Variants in ADAR observed in about 807,000 individuals in gnomAD.
ADAR encodes adenosine deaminase RNA specific.
In ADAR, 41 loss-of-function variants were observed where a neutral mutation model predicts 113.2. The observed-to-expected ratio is 0.36, with a 90% CI of 0.28 to 0.47. The LOEUF is 0.47. Among genes scored for constraint, ADAR ranks in the 20% least tolerant of loss-of-function variants. The pLI, the probability that ADAR is intolerant of heterozygous loss-of-function variation, is 1.00. For missense variants in ADAR, 1,242 were observed against 1,540.9 expected (o/e 0.81, Z 3.25); for synonymous variants, 605 against 572.6 (o/e 1.06, Z -0.81).
At position 154,601,920 on chromosome 1, in the gene ADAR, A is replaced by T. The variant is rs1472127685; in HGVS notation, c.722T>A (p.Leu241His). The T allele has an allele frequency of 3.7e-6, 6 of 1,606,884 alleles. No homozygotes were observed. Among genetic ancestry groups the T allele is most frequent in the African/African-American group, 1.4e-5 (1 of 72,128 alleles). Residue 241 changes from leucine to histidine, a missense_variant, in exon 2 of 15, where the codon CTT becomes CAT. By Grantham distance (99) the Leu-to-His change is moderately conservative (BLOSUM62 -3). This residue lies in a region of ADAR where 462 missense variants were observed against 483.1 expected (regional missense o/e 0.96). Coordinates refer to ENST00000368474, the MANE Select transcript of ADAR (RefSeq NM_001111.5). This position sits in a 1 kb window ranked among gnomAD's most constrained non-coding sequence, Gnocchi z 4.7. Reference protein sequence around the residue: ...DRNSTSVSEDLLEPFIAVSAQ... With the variant: ...DRNSTSVSEDHLEPFIAVSAQ... ...TGAGACTGCAATAAAAGGCTCAAGA[A>T]GATCTTCTGAGACAGATGTGGAGTT...
At position 154,584,552 on chromosome 1, in the gene ADAR, A is replaced by G. The variant is rs1696618259; in HGVS notation, c.*254T>C. 3 of 499,364 alleles carry G rather than the reference A, an allele frequency of 6.0e-6. No individual in the cohort carries two copies. The highest frequency in any genetic ancestry group is 1.1e-5 in the Non-Finnish European group (3 of 280,066). 30.9% of individuals were successfully genotyped at this position (499,364 alleles called of 1,614,324 possible). A position where few individuals can be genotyped will look rare whatever the true frequency, so the allele number is the denominator to read the frequency against. Reference sequence around the variant, plus strand: ...CAGTGACTATGTATGCTTTGGGTAGAAAGAAAAGATAACTTCTTAGGTTTC... The same window carrying G: ...CAGTGACTATGTATGCTTTGGGTAGGAAGAAAAGATAACTTCTTAGGTTTC... On this transcript the variant is annotated 3_prime_UTR_variant, in exon 15 of 15. Transcript: ENST00000368474.
chr1:154,622,902 T>TCA (rs34511105), intron 1 of ADAR, among the ~76,000 whole-genome samples: 105,417 of 151,942 alleles, frequency 0.69, 36,591 homozygotes, highest in South Asian at 0.75. Flanking sequence ...TTTGCTTTGA[T>TCA]CAAAGAAAAT....
chr1:154,582,859 G>T lies in ADAR; in HGVS notation c.*1947C>A, dbSNP rs1407715275. Reference sequence around the variant, plus strand: ...ATTTACTGTGCCCCCAGCAGACCCAGAGCCAGGGAGCAGGCCTCTTCCACT... The same window carrying T: ...ATTTACTGTGCCCCCAGCAGACCCATAGCCAGGGAGCAGGCCTCTTCCACT... On this transcript the variant is annotated 3_prime_UTR_variant, in exon 15 of 15. Coordinates refer to ENST00000368474, the MANE Select transcript of ADAR (RefSeq NM_001111.5). 1 of 152,300 alleles carries T rather than the reference G, an allele frequency of 6.6e-6. No homozygotes were observed. Among genetic ancestry groups the T allele is most frequent in the African/African-American group, 2.4e-5 (1 of 41,450 alleles). The allele number at this position is 152,300 out of a possible 1,614,324, so 9.4% of individuals were successfully genotyped here.
chr1:154,588,218 A>C lies in ADAR; in HGVS notation c.2926T>G (p.Cys976Gly). The C allele has an allele frequency of 1.2e-6, 2 of 1,614,046 alleles. No homozygotes were observed. The highest frequency in any genetic ancestry group is 1.7e-6 in the Non-Finnish European group (2 of 1,180,016). Residue 976 changes from cysteine (C) to glycine (G), a missense_variant, in exon 11 of 15, where the codon TGC becomes GGC. Physicochemically the swap from Cys to Gly is radical, Grantham distance 159. Around this residue, in one of 2 missense-constraint regions of ADAR, gnomAD observed 780 missense variants for 1,057.9 expected, o/e 0.74. Coordinates refer to ENST00000368474, the MANE Select transcript of ADAR (RefSeq NM_001111.5). ...GTGCTTTCCATAGCACGGTCGCTGC[A>C]GGACTTGTCAAAGAGGGCGCCATCT... ...CGDGALFDKS[C>G]SDRAMESTES...
At chr1:154,604,342 T>G (rs922956359) in intron 1 of ADAR, among the ~76,000 whole-genome samples, 2 of 152,204 alleles carry the variant, frequency 1.3e-5, no homozygotes, top group Non-Finnish European at 2.9e-5. Flanking sequence ...AAGCTGCCAG[T>G]AAGCCACCCT....
chr1:154,589,264 C>T, intron 9 of ADAR, 105 bp downstream of exon 9: 6 of 885,834 alleles, frequency 6.8e-6, no homozygotes, highest in Non-Finnish European at 1.1e-5. Context: ...ACATCATGAC[C>T]CGTCTGTCTG....
chr1:154,595,559 A>G (rs1459254265), intron 6 of ADAR, among the ~76,000 whole-genome samples: 1 of 152,222 alleles, frequency 6.6e-6, no homozygotes, highest in Non-Finnish European at 1.5e-5. Context: ...AAGGATATAA[A>G]CAAAGGAAAT....
At chr1:154,586,694 C>T (rs1571052955) in intron 11 of ADAR, among the ~76,000 whole-genome samples, 2 of 152,250 alleles carry the variant, frequency 1.3e-5, no homozygotes, top group East Asian at 3.9e-4. Flanking sequence ...GACGGAGGAC[C>T]ACAGGGGACA....
At chr1:154,620,226 A>G (rs1286183235) in intron 1 of ADAR, among the ~76,000 whole-genome samples, 1 of 152,160 alleles carries the variant, frequency 6.6e-6, no homozygotes, top group East Asian at 1.9e-4. Flanking sequence ...GGCCAAGGTG[A>G]TGAAACTCCG....
At position 154,582,083 on chromosome 1, in the gene ADAR, T is replaced by A. The variant is rs1025521616; in HGVS notation, c.*2723A>T. ...TTCTAAGAATTCAGATTCTTGTTTT[T>A]TTTTTATTTATGAGGAATGTATATT... On this transcript the variant is annotated 3_prime_UTR_variant, in exon 15 of 15. Coordinates refer to ENST00000368474, the MANE Select transcript of ADAR (RefSeq NM_001111.5). 1 of 152,572 alleles carries A rather than the reference T, an allele frequency of 6.6e-6. No individual in the cohort carries two copies. Among genetic ancestry groups the A allele is most frequent in the Non-Finnish European group, 1.5e-5 (1 of 68,022 alleles). 9.5% of individuals were successfully genotyped at this position (152,572 alleles called of 1,614,324 possible).
chr1:154,594,973 G>A (rs77697368), intron 6 of ADAR, among the ~76,000 whole-genome samples: 6,717 of 152,324 alleles, frequency 0.044, 200 homozygotes, highest in Non-Finnish European at 0.065. Flanking sequence ...GCATAACAGT[G>A]TTTTGTTCAA....
At chr1:154,626,467 CAG>C (rs1205047798) in intron 1 of ADAR, among the ~76,000 whole-genome samples, 1 of 152,122 alleles carries the variant, frequency 6.6e-6, no homozygotes, top group Admixed American at 6.6e-5. Flanking sequence ...AAGTGTACAG[CAG>C]AGAGATTATG....
chr1:154,588,393 G>A (rs1228661723), intron 10 of ADAR, 135 bp from the exon 11 acceptor site: 1 of 1,480,896 alleles, frequency 6.8e-7, no homozygotes, highest in East Asian at 2.3e-5. Flanking sequence ...GTGGACAGCA[G>A]TACATGTGAG....
chr1:154,591,605 C>T (rs1027140803), intron 6 of ADAR, among the ~76,000 whole-genome samples: 8 of 152,230 alleles, frequency 5.3e-5, no homozygotes, highest in African/African-American at 7.2e-5. Flanking sequence ...TGGAGCAAAA[C>T]AGCTTGGAAA....
chr1:154,589,665 C>G, intron 8 of ADAR, 92 bp downstream of exon 8: 1 of 1,510,324 alleles, frequency 6.6e-7, no homozygotes, highest in Non-Finnish European at 9.2e-7. Context: ...CTTCTCCCTG[C>G]CTTGGACTTA....
rs777616553 is a variant in ADAR, at chr1:154,598,491, T to C, written c.1696A>G (p.Met566Val). The change falls in exon 3 of 15, where the codon ATG (methionine) becomes GTG (valine). Residue 566 changes from methionine to valine, a missense_variant. By Grantham distance (21) the Met-to-Val change is conservative (BLOSUM62 1). Coordinates refer to ENST00000368474, the MANE Select transcript of ADAR (RefSeq NM_001111.5). ...VAKQDAAMKA[M>V]TILLEEAKAK... ...TTGGCTTCCTCTAGCAGAATTGTCA[T>C]GGCTTTCATAGCTGCATCCTGCTTG... 1 of 1,614,234 alleles carries C rather than the reference T, an allele frequency of 6.2e-7. No individual in the cohort carries two copies. Among genetic ancestry groups the C allele is most frequent in the Non-Finnish European group, 8.5e-7 (1 of 1,180,036 alleles).
chr1:154,590,932 C>A (rs561430370), intron 6 of ADAR, among the ~76,000 whole-genome samples: 67 of 151,954 alleles, frequency 4.4e-4, no homozygotes, highest in Non-Finnish European at 8.4e-4. Context: ...CCAGCCTGCG[C>A]GAGACAGCAA....
intron 11 of ADAR, 49 bp from the exon 12 acceptor site, chr1:154,586,412 A>T: frequency 1.9e-6 from 3 of 1,587,834 alleles, no homozygotes; most frequent in African/African-American, 2.7e-5. Flanking sequence ...GGACCAAACC[A>T]CTCCCTGGCG....
chr1:154,601,750 C>T lies in ADAR; in HGVS notation c.892G>A (p.Glu298Lys), dbSNP rs755166511. Residue 298 changes from glutamate to lysine, a missense_variant, in exon 2 of 15, where the codon GAG (glutamate) becomes AAG (lysine). Coordinates refer to ENST00000368474, the MANE Select transcript of ADAR (RefSeq NM_001111.5). The surrounding 1 kb of genome is among the most constrained non-coding windows in gnomAD (Gnocchi z 4.7). ...EDPLEFLDMA[E>K]IKEKICDYLF... ...TAGTCGCAGATTTTCTCCTTGATCT[C>T]GGCCATGTCTAAAAACTCAAGAGGA... 5.0e-6 allele frequency: 8 copies of T among 1,614,188 alleles called. No homozygotes were observed. Among genetic ancestry groups the T allele is most frequent in the East Asian group, 4.5e-5 (2 of 44,888 alleles).
Sources: gnomAD v4.1 joint callset for allele counts (sites outside exome capture counted in the v4.1 genomes callset) on GRCh38, gnomAD v4.1.1 for gene constraint, gnomAD v4.1.1 regional missense constraint, Gnocchi (gnomAD v3.1) non-coding constraint, MANE v1.5 for transcripts, NCBI Gene and HGNC (gene_info 2026-07-23, HGNC 2026-07-21) for gene names.